NUP188: variants seen among roughly 807,000 people sequenced by gnomAD.
NUP188 encodes the protein nucleoporin NUP188.
Under a neutral mutation model 223.0 loss-of-function variants are expected in NUP188, and 97 were observed. That is an observed-to-expected ratio of 0.43 (90% CI 0.37 to 0.51). The LOEUF is 0.51. Ranked by LOEUF, NUP188 falls within the 20% of genes least tolerant of loss-of-function variation. NUP188 has a pLI of 0.00. For synonymous variants in NUP188, 869 were observed against 828.0 expected, an observed-to-expected ratio of 1.05 and a Z score of -0.85; for missense variants, 1,947 against 2,175.6, an observed-to-expected ratio of 0.89 and a Z score of 2.09.
In NUP188 at chr9:128,980,689, C is replaced by T. The variant is rs144610657; in HGVS notation, c.1353C>T (p.Leu451=). 31 of 1,613,976 alleles carry T rather than the reference C, an allele frequency of 1.9e-5. No homozygotes were observed. Among genetic ancestry groups the T allele is most frequent in the African/African-American group, 6.7e-5 (5 of 74,908 alleles). ...TTCTCTCCCCACTCCTGCAACTGCT[C>T]CGAGCCCTGGTATCAGGGAAGTCCA... ...PHLLSPLLQL[L]RALVSGKSTA... The change falls in exon 14 of 44, where the codon CTC becomes CTT. Residue 451 remains leucine (L), a synonymous_variant. Coordinates refer to ENST00000372577, the MANE Select transcript of NUP188 (RefSeq NM_015354.3).
chr9:128,996,031 A>G (rs1422446315), intron 30 of NUP188, among the ~76,000 whole-genome samples: 3 of 152,228 alleles, frequency 2.0e-5, no homozygotes, highest in Non-Finnish European at 4.4e-5. Context: ...TGGTTTTGAG[A>G]GAGAGAGATA....
intron 24 of NUP188, among the ~76,000 whole-genome samples, chr9:128,989,356 T>G (rs1228527544): frequency 2.0e-5 from 3 of 152,008 alleles, no homozygotes; most frequent in Admixed American, 2.0e-4. Context: ...GAGCCATGAT[T>G]TTGCCACTGC....
In NUP188 at chr9:128,993,508, C is replaced by T; in HGVS notation, c.2848-17C>T. 1 of 1,613,856 alleles carries T rather than the reference C, an allele frequency of 6.2e-7. No homozygotes were observed. Among genetic ancestry groups the T allele is most frequent in the South Asian group, 1.1e-5 (1 of 91,084 alleles). ...CAGTGGCTGTGGAACTGAACTCTTA[C>T]CTGTCCCTTCTTGCAGGAATTCAGC... On this transcript the variant is annotated splice_polypyrimidine_tract_variant and intron_variant, in intron 26 of 43. Coordinates refer to ENST00000372577, the MANE Select transcript of NUP188 (RefSeq NM_015354.3).
intron 24 of NUP188, among the ~76,000 whole-genome samples, chr9:128,988,719 A>ATTTTTTTTTTT (rs528821221): frequency 6.9e-5 from 5 of 72,870 alleles, no homozygotes; most frequent in Admixed American, 2.4e-4. Context: ...TAATTTTTTA[A>ATTTTTTTTTTT]TTTTTTTTTT....
rs1229497932 is a variant in NUP188, at chr9:128,998,159, A to G, written c.3360A>G (p.Ile1120Met). The change falls in exon 31 of 44, where the codon ATA becomes ATG. Residue 1120 changes from isoleucine to methionine, a missense_variant. Ile to Met is a conservative substitution (Grantham distance 10). Transcript: ENST00000372577. ...LLIIATTHAD[I>M]MHLTDSVVRR... The stretch of plus-strand genomic sequence containing the variant: ...TTTCTGTTCCTTTGCAGGCAGATAT[A>G]ATGCACCTGACTGACTCTGTGGTGC... The G allele has an allele frequency of 1.2e-6, 2 of 1,613,726 alleles. No individual in the cohort carries two copies. The highest frequency in any genetic ancestry group is 3.3e-5 in the Admixed American group (2 of 60,016).
chr9:128,980,924 G>A (rs1842245302), intron 14 of NUP188, among the ~76,000 whole-genome samples, 199 bp downstream of exon 14: 1 of 152,164 alleles, frequency 6.6e-6, no homozygotes, highest in Non-Finnish European at 1.5e-5. Flanking sequence ...TGTAGATACT[G>A]TGGGACTAAG....
intron 32 of NUP188, 84 bp from the exon 33 acceptor site, chr9:128,999,088 G>A: frequency 2.7e-6 from 3 of 1,110,072 alleles, no homozygotes; most frequent in Non-Finnish European, 4.0e-6. Flanking sequence ...CCTGACCTCA[G>A]GTGATCCACC....
At chr9:129,004,275 C>A (rs1842732916) in intron 38 of NUP188, among the ~76,000 whole-genome samples, 1 of 133,210 alleles carries the variant, frequency 7.5e-6, no homozygotes. Flanking sequence ...AAGTGAGACT[C>A]CGTCTCAAAA....
chr9:128,954,298 T>C (rs1257619348), intron 3 of NUP188, among the ~76,000 whole-genome samples: 2 of 150,898 alleles, frequency 1.3e-5, no homozygotes, highest in African/African-American at 4.9e-5. Context: ...CACTGCAAGC[T>C]CTGCCTCCCG....
chr9:128,999,459 G>C, intron 33 of NUP188, 142 bp downstream of exon 33: 7 of 1,293,410 alleles, frequency 5.4e-6, no homozygotes, highest in Non-Finnish European at 2.1e-6. Context: ...CCCCAAGAAA[G>C]CTATTTTTTT....
At chr9:128,972,696 T>C in intron 11 of NUP188, among the ~76,000 whole-genome samples, 1 of 152,228 alleles carries the variant, frequency 6.6e-6, no homozygotes, top group Non-Finnish European at 1.5e-5. Context: ...AGAGGATATA[T>C]GGGAAATCTT....
In NUP188 at chr9:128,947,765, C is replaced by A. The variant is rs756234722; in HGVS notation, c.32+14C>A. ...GCCGTGTGTGAGGTGCGGAGCGGGT[C>A]GAATGGACCGGGGTGGCTGTGAAGC... On this transcript the variant is annotated intron_variant, in intron 1 of 43. Transcript: ENST00000372577. 1.2e-4 allele frequency: 171 copies of A among 1,433,014 alleles called. No individual in the cohort carries two copies. The highest frequency in any genetic ancestry group is 2.0e-4 in the Admixed American group (7 of 35,516). The allele number at this position is 1,433,014 out of a possible 1,614,324, so 88.8% of individuals were successfully genotyped here. A position where few individuals can be genotyped will look rare whatever the true frequency, so the allele number is the denominator to read the frequency against.
chr9:128,971,692 A>G (rs1395246963), intron 11 of NUP188, among the ~76,000 whole-genome samples: 1 of 152,204 alleles, frequency 6.6e-6, no homozygotes, highest in Non-Finnish European at 1.5e-5. Context: ...TGCTGGGATT[A>G]CAGGCGTGAG....
intron 15 of NUP188, among the ~76,000 whole-genome samples, chr9:128,982,305 C>G (rs1278346444): frequency 6.6e-6 from 1 of 151,798 alleles, no homozygotes; most frequent in Non-Finnish European, 1.5e-5. Context: ...TGGTGCGCAC[C>G]TGTAGTCCCA....
At chr9:128,982,406 G>A in intron 15 of NUP188, 143 bp from the exon 16 acceptor site, 1 of 718,708 alleles carries the variant, frequency 1.4e-6, no homozygotes, top group Non-Finnish European at 2.3e-6. Flanking sequence ...CTCCAGCCTG[G>A]GCAAGAGGGA....
chr9:128,973,088 G>A (rs374573112), intron 11 of NUP188, 72 bp from the exon 12 acceptor site: 9 of 864,908 alleles, frequency 1.0e-5, no homozygotes, highest in South Asian at 1.7e-5. Flanking sequence ...ATATGAATGC[G>A]ATAGGATTAT....
intron 8 of NUP188, chr9:128,964,161 C>A: frequency 4.0e-6 from 1 of 249,470 alleles, no homozygotes. Flanking sequence ...TGATGTTGAA[C>A]ATCTTTTCAC....
intron 27 of NUP188, 124 bp from the exon 28 acceptor site, chr9:128,994,249 A>C (rs1842479860): frequency 1.4e-6 from 1 of 702,260 alleles, no homozygotes; most frequent in African/African-American, 1.8e-5. Flanking sequence ...CAACTGACTT[A>C]TCAGACACAT....
intron 2 of NUP188, among the ~76,000 whole-genome samples, chr9:128,951,752 C>G (rs1373639148): frequency 6.6e-6 from 1 of 150,420 alleles, no homozygotes; most frequent in Non-Finnish European, 1.5e-5. Flanking sequence ...TAAAAACACT[C>G]AAAGGAATGT....
Sources: allele counts gnomAD v4.1 joint callset (sites outside exome capture counted in the v4.1 genomes callset), GRCh38; gene constraint gnomAD v4.1.1; transcripts MANE v1.5; gene names NCBI Gene and HGNC (gene_info 2026-07-23, HGNC 2026-07-21).